ADARB2: variants seen among roughly 807,000 people sequenced by gnomAD.
ADARB2 encodes adenosine deaminase RNA specific B2 (inactive), also known as inactive double-stranded RNA-specific editase B2.
A neutral mutation model predicts 62.2 loss-of-function variants in ADARB2; 25 were observed. The ratio of observed to expected loss-of-function variants is 0.40; its 90% CI spans 0.29 to 0.56. ADARB2 has a LOEUF of 0.56. Ranked by LOEUF, ADARB2 falls within the 20% of genes least tolerant of loss-of-function variation. The probability of loss-of-function intolerance (pLI) is 0.43; values close to 1 mark genes in which losing one functional copy is unlikely to be tolerated. For missense variants in ADARB2, 1,071 were observed against 1,077.4 expected (o/e 0.99, Z 0.08); for synonymous variants, 572 against 500.8 (o/e 1.14, Z -1.90).
intron 3 of ADARB2, among the ~76,000 whole-genome samples, chr10:1,316,720 A>T (rs570053401): frequency 6.6e-6 from 1 of 152,368 alleles, no homozygotes; most frequent in South Asian, 2.1e-4. Flanking sequence ...TGGCCTGGCT[A>T]TAAAGTGACA....
intron 1 of ADARB2, among the ~76,000 whole-genome samples, chr10:1,479,532 G>A (rs1831442230): frequency 1.3e-5 from 2 of 152,108 alleles, no homozygotes; most frequent in African/African-American, 4.8e-5. Context: ...GTTTCTGAGA[G>A]GAACCCAGGA....
At chr10:1,559,306 T>C (rs1335714218) in intron 1 of ADARB2, among the ~76,000 whole-genome samples, 1 of 152,226 alleles carries the variant, frequency 6.6e-6, no homozygotes, top group Non-Finnish European at 1.5e-5. Flanking sequence ...CTGTGATCAC[T>C]GGCTCTTGGA....
chr10:1,597,801 A>G (rs1833353934), intron 1 of ADARB2, among the ~76,000 whole-genome samples: 1 of 152,252 alleles, frequency 6.6e-6, no homozygotes, highest in Non-Finnish European at 1.5e-5. Flanking sequence ...AAATCATTGT[A>G]TAAAAAAGAT....
chr10:1,357,846 G>A (rs1259311709), intron 3 of ADARB2, among the ~76,000 whole-genome samples: 3 of 152,234 alleles, frequency 2.0e-5, no homozygotes, highest in Non-Finnish European at 4.4e-5. Flanking sequence ...CTGTGCAGAG[G>A]AGAAAACTGA....
At chr10:1,710,137 G>A (rs566843098) in intron 1 of ADARB2, among the ~76,000 whole-genome samples, 7 of 152,298 alleles carry the variant, frequency 4.6e-5, no homozygotes, top group East Asian at 1.9e-4. Flanking sequence ...GGGAGTCTAT[G>A]TCCTCATTGT....
chr10:1,307,266 G>A lies in ADARB2; in HGVS notation c.1078-36197C>T, dbSNP rs761631236. On this transcript the variant is annotated intron_variant, in intron 3 of 9. Coordinates refer to ENST00000381312, the MANE Select transcript of ADARB2 (RefSeq NM_018702.4). ...AAACAACCCCATTCAAAAAGTGGGC[G>A]AAGGATATGAACAAACACTTCTCAA... Among the ~76,000 whole-genome samples the A allele has an allele frequency of 4.5e-4, 41 of 90,350 alleles. 11 individuals are homozygous for A. Among genetic ancestry groups the A allele is most frequent in the South Asian group, 1.3e-3 (2 of 1,490 alleles). The allele number at this position is 90,350 out of a possible 152,430, so 59.3% of individuals were successfully genotyped here.
intron 1 of ADARB2, among the ~76,000 whole-genome samples, chr10:1,512,869 C>T (rs562784038): frequency 2.0e-5 from 3 of 152,296 alleles, no homozygotes; most frequent in South Asian, 2.1e-4. Context: ...CCCACGTCTG[C>T]CACCAGCCTT....
intron 1 of ADARB2, among the ~76,000 whole-genome samples, chr10:1,671,973 C>G (rs1328467143): frequency 6.6e-6 from 1 of 152,154 alleles, no homozygotes; most frequent in East Asian, 1.9e-4. Context: ...TCACATGCCC[C>G]TGTTCATGCA....
intron 1 of ADARB2, among the ~76,000 whole-genome samples, chr10:1,394,475 C>G (rs1265430277): frequency 1.3e-5 from 2 of 152,194 alleles, no homozygotes; most frequent in Non-Finnish European, 2.9e-5. Context: ...CTCATCTGGG[C>G]TTTGCAATAA....
chr10:1,688,649 C>A (rs1274156088), intron 1 of ADARB2, among the ~76,000 whole-genome samples: 2 of 152,188 alleles, frequency 1.3e-5, no homozygotes, highest in African/African-American at 4.8e-5. Context: ...ACATCTCATC[C>A]AACCCCCTCC....
In ADARB2 at chr10:1,508,346, C is replaced by T. The variant is rs757143493; in HGVS notation, c.101-129186G>A. 5.4e-4 allele frequency among the ~76,000 whole-genome samples: 83 copies of T among 152,336 alleles called. 1 individual carries two copies. Among genetic ancestry groups the T allele is most frequent in the Middle Eastern group, 3.4e-3 (1 of 294 alleles). On this transcript the variant is annotated intron_variant, in intron 1 of 9. Coordinates refer to ENST00000381312, the MANE Select transcript of ADARB2 (RefSeq NM_018702.4). ...GCGTCTGGACCTCGGCTTGGCCAAG[C>T]TATGTGTGAGCATGAAGCTTGTTTC...
intron 1 of ADARB2, among the ~76,000 whole-genome samples, chr10:1,720,717 C>T (rs569628813): frequency 6.6e-6 from 1 of 152,262 alleles, no homozygotes; most frequent in South Asian, 2.1e-4. Context: ...ATGCGGGGGC[C>T]TCTGGGCCCC....
intron 1 of ADARB2, among the ~76,000 whole-genome samples, chr10:1,619,598 T>A (rs1165127166): frequency 6.6e-6 from 1 of 152,074 alleles, no homozygotes; most frequent in Non-Finnish European, 1.5e-5. Flanking sequence ...ATTACAGGGG[T>A]ATGCCACCAT....
At chr10:1,297,088 G>A (rs1831530025) in intron 3 of ADARB2, among the ~76,000 whole-genome samples, 1 of 152,136 alleles carries the variant, frequency 6.6e-6, no homozygotes, top group Admixed American at 6.5e-5. Context: ...CCAAATTTAG[G>A]TCTACCCAGA....
intron 3 of ADARB2, among the ~76,000 whole-genome samples, chr10:1,293,904 G>A (rs1232900250): frequency 6.6e-6 from 1 of 152,102 alleles, no homozygotes; most frequent in Admixed American, 6.5e-5. Flanking sequence ...GCCTCTCGGA[G>A]TGTCGGCAGG....
chr10:1,526,709 C>G, intron 1 of ADARB2: 1 of 324,542 alleles, frequency 3.1e-6, no homozygotes, highest in South Asian at 2.2e-5. Flanking sequence ...AACCTTTCTT[C>G]CTCATAAATC....
At chr10:1,456,981 A>G (rs1831103331) in intron 1 of ADARB2, among the ~76,000 whole-genome samples, 1 of 134,810 alleles carries the variant, frequency 7.4e-6, no homozygotes, top group Non-Finnish European at 1.7e-5. Flanking sequence ...TTTTTAGTAG[A>G]GACGGGGGTT....
At chr10:1,204,091 G>A (rs1837019255) in intron 7 of ADARB2, among the ~76,000 whole-genome samples, 2 of 152,108 alleles carry the variant, frequency 1.3e-5, no homozygotes, top group Admixed American at 1.3e-4. Context: ...TGGCCAGTCT[G>A]GGGGTGACAT....
rs371638685 is a variant in ADARB2, at chr10:1,234,187, C to T, written c.1362-342G>A. Among the ~76,000 whole-genome samples the T allele has an allele frequency of 2.0e-4, 30 of 151,742 alleles. 1 individual carries two copies. The South Asian group carries it at 5.8e-3, about 30-fold the overall frequency. ...TATTTTTAGTAGATACAGGGTTTCA[C>T]CATGTTGGCCAGGTTTGTCTTGAAC... On this transcript the variant is annotated intron_variant, in intron 5 of 9. Coordinates refer to ENST00000381312, the MANE Select transcript of ADARB2 (RefSeq NM_018702.4).
Sources: allele counts gnomAD v4.1 joint callset (sites outside exome capture counted in the v4.1 genomes callset), GRCh38; gene constraint gnomAD v4.1.1; transcripts MANE v1.5; gene names NCBI Gene and HGNC (gene_info 2026-07-23, HGNC 2026-07-21).